The following DLG2 variants were observed in gnomAD, a reference collection of about 807,000 sequenced individuals.
The protein encoded by DLG2 is discs large MAGUK scaffold protein 2, also known as disks large homolog 2.
DLG2 carries 45 observed loss-of-function variants against 132.5 expected under a neutral mutation model. That is an observed-to-expected ratio of 0.34 (90% CI 0.27 to 0.44). DLG2 has a LOEUF of 0.44. DLG2 is among the 20% of genes least tolerant of loss of function. The pLI is 1.00. For synonymous variants in DLG2, 424 were observed against 419.6 expected (o/e 1.01, Z -0.13); for missense variants, 1,045 against 1,196.9 (o/e 0.87, Z 1.87).
At chr11:84,428,601 C>G (rs2098974624) in intron 7 of DLG2, among the ~76,000 whole-genome samples, 1 of 152,224 alleles carries the variant, frequency 6.6e-6, no homozygotes, top group Non-Finnish European at 1.5e-5. Flanking sequence ...AGAAATCTGT[C>G]TCTTCCGCTT....
chr11:85,144,945 G>A (rs1016997203), intron 5 of DLG2, among the ~76,000 whole-genome samples: 2 of 151,946 alleles, frequency 1.3e-5, no homozygotes, highest in Non-Finnish European at 2.9e-5. Context: ...CTTATTGTTT[G>A]TTAATGTCCT....
intron 3 of DLG2, among the ~76,000 whole-genome samples, chr11:85,387,681 A>G (rs1312667062): frequency 1.3e-5 from 2 of 152,238 alleles, no homozygotes; most frequent in African/African-American, 4.8e-5. Flanking sequence ...CACCATGTGC[A>G]AAAGGGCATC....
chr11:83,927,513 G>T (rs1336109068), intron 15 of DLG2, among the ~76,000 whole-genome samples: 1 of 152,124 alleles, frequency 6.6e-6, no homozygotes, highest in African/African-American at 2.4e-5. Context: ...AAACACTTGA[G>T]ACTAGAAGAG....
chr11:83,760,702 A>G (rs999157151), intron 18 of DLG2, among the ~76,000 whole-genome samples: 1 of 152,122 alleles, frequency 6.6e-6, no homozygotes, highest in Non-Finnish European at 1.5e-5. Context: ...AACAACAACA[A>G]AAACAACAAC....
intron 18 of DLG2, among the ~76,000 whole-genome samples, chr11:83,775,386 T>C (rs550923321): frequency 2.9e-4 from 44 of 152,358 alleles, no homozygotes; most frequent in African/African-American, 1.0e-3. Flanking sequence ...TGAAACTTTG[T>C]TTTACTCTAC....
rs1456413900 is a variant in DLG2, at chr11:85,579,344, G to T, written c.40+19313C>A. ...CAACAAACCCCCATGATACAAGTTT[G>T]CCTATCTAACAAACCTGCACATGTA... On this transcript the variant is annotated intron_variant, in intron 3 of 27. Coordinates refer to ENST00000376104, the MANE Select transcript of DLG2 (RefSeq NM_001142699.3). Among the ~76,000 whole-genome samples, 11 of 152,114 alleles carry T rather than the reference G, an allele frequency of 7.2e-5. 1 individual carries two copies. The East Asian group carries it at 2.1e-3, about 29-fold the overall frequency.
At chr11:84,686,630 GTTTTTT>G (rs60618412) in intron 6 of DLG2, among the ~76,000 whole-genome samples, 2 of 113,804 alleles carry the variant, frequency 1.8e-5, no homozygotes, top group Non-Finnish European at 3.6e-5. Flanking sequence ...TGGCCTTGAG[GTTTTTT>G]TTTTTTTTTT....
intron 3 of DLG2, among the ~76,000 whole-genome samples, chr11:85,322,483 T>C (rs1183425204): frequency 6.6e-6 from 1 of 152,156 alleles, no homozygotes; most frequent in Non-Finnish European, 1.5e-5. Context: ...TTAGTGATTA[T>C]CAACCTCAGA....
rs140462585 is a variant in DLG2, at chr11:84,245,976, T to C, written c.573+5262A>G. On this transcript the variant is annotated intron_variant, in intron 8 of 27. Coordinates refer to ENST00000376104, the MANE Select transcript of DLG2 (RefSeq NM_001142699.3). ...GGTGGATGTAAGGTGAGCAGAAGCTTTAACTGTGTTTGTGTCACGGGCTTG... is the reference window on the plus strand; with the variant it reads ...GGTGGATGTAAGGTGAGCAGAAGCTCTAACTGTGTTTGTGTCACGGGCTTG... 1.4e-3 allele frequency among the ~76,000 whole-genome samples: 220 copies of C among 152,304 alleles called. 2 individuals carry two copies. Among genetic ancestry groups the C allele is most frequent in the African/African-American group, 5.0e-3 (209 of 41,568 alleles).
At chr11:85,123,134 C>A (rs2074625904) in intron 5 of DLG2, among the ~76,000 whole-genome samples, 1 of 150,826 alleles carries the variant, frequency 6.6e-6, no homozygotes, top group East Asian at 2.0e-4. Context: ...CCTGCCACCA[C>A]ACTCGGCTAA....
chr11:85,507,510 A>C (rs765599100), intron 3 of DLG2, among the ~76,000 whole-genome samples: 25 of 152,024 alleles, frequency 1.6e-4, no homozygotes, highest in Non-Finnish European at 2.8e-4. Flanking sequence ...ATTGAAAATT[A>C]TTTTCTTTAA....
intron 4 of DLG2, among the ~76,000 whole-genome samples, chr11:85,243,464 C>T (rs556114589): frequency 6.6e-6 from 1 of 151,948 alleles, no homozygotes; most frequent in South Asian, 2.1e-4. Context: ...GGAAATATTT[C>T]ACCAAAAAGT....
chr11:85,376,969 C>G (rs1200367843), intron 3 of DLG2, among the ~76,000 whole-genome samples: 1 of 152,140 alleles, frequency 6.6e-6, no homozygotes, highest in African/African-American at 2.4e-5. Flanking sequence ...ATGTCAGGCA[C>G]TCTTCTAAGC....
intron 7 of DLG2, chr11:84,437,728 A>G (rs1181282757): frequency 6.6e-6 from 1 of 152,350 alleles, no homozygotes; most frequent in South Asian, 2.1e-4. Flanking sequence ...CTTTGTAGCC[A>G]GCTCACACAC....
At chr11:83,483,200 AAAAGG>A in intron 22 of DLG2, 10 of 1,518,572 alleles carry the variant, frequency 6.6e-6, no homozygotes, top group Non-Finnish European at 9.1e-6. Flanking sequence ...AGCCAAACTC[AAAAGG>A]AAAGGAAAAG....
In DLG2 at chr11:84,793,391, T is replaced by C. The variant is rs149544094; in HGVS notation, c.358-258660A>G. On this transcript the variant is annotated intron_variant, in intron 6 of 27. Coordinates refer to ENST00000376104, the MANE Select transcript of DLG2 (RefSeq NM_001142699.3). ...GTGTATTTTTGGCCACTGGATGAAA[T>C]GTTTTGTAAATATCTATTAGGTCCA... Among the ~76,000 whole-genome samples the C allele has an allele frequency of 3.6e-3, 543 of 152,284 alleles. 3 individuals are homozygous for C. Among genetic ancestry groups the C allele is most frequent in the African/African-American group, 0.013 (528 of 41,554 alleles).
chr11:83,904,984 TA>T (rs1365573072), intron 15 of DLG2, among the ~76,000 whole-genome samples: 1 of 152,140 alleles, frequency 6.6e-6, no homozygotes, highest in African/African-American at 2.4e-5. Flanking sequence ...GAAAATGAAG[TA>T]AAAAATCTGA....
chr11:83,826,301 C>T (rs1413930484), intron 17 of DLG2, among the ~76,000 whole-genome samples: 6 of 152,178 alleles, frequency 3.9e-5, no homozygotes, highest in Admixed American at 3.3e-4. Flanking sequence ...GCTAGTGGGG[C>T]TCTGAAGCCA....
intron 20 of DLG2, among the ~76,000 whole-genome samples, chr11:83,538,211 C>T (rs575843411): frequency 3.9e-5 from 6 of 152,186 alleles, no homozygotes; most frequent in Non-Finnish European, 8.8e-5. Context: ...GTCCCAGTTT[C>T]CTTACTTGTA....
Sources: allele counts gnomAD v4.1 joint callset (sites outside exome capture counted in the v4.1 genomes callset), GRCh38; gene constraint gnomAD v4.1.1; transcripts MANE v1.5; gene names NCBI Gene and HGNC (gene_info 2026-07-23, HGNC 2026-07-21).